SPOCK3: variants seen among roughly 807,000 people sequenced by gnomAD.
SPOCK3 encodes the protein testican-3.
In SPOCK3, 30 loss-of-function variants were observed where a neutral mutation model predicts 56.6. The ratio of observed to expected loss-of-function variants is 0.53; its 90% confidence interval spans 0.40 to 0.72. The LOEUF is 0.72. Among genes scored for constraint, SPOCK3 ranks in the 30% least tolerant of loss-of-function variants. The pLI, the probability that SPOCK3 is intolerant of heterozygous loss-of-function variation, is 0.00. For missense variants in SPOCK3, 527 were observed against 530.0 expected (o/e 0.99, Z 0.06); for synonymous variants, 196 against 183.3 (o/e 1.07, Z -0.56).
intron 4 of SPOCK3, among the ~76,000 whole-genome samples, chr4:166,948,427 G>A (rs543636019): frequency 1.3e-5 from 2 of 152,042 alleles, no homozygotes; most frequent in African/African-American, 4.8e-5. Flanking sequence ...ATTTTTTTGA[G>A]GAATCTCCAC....
At chr4:166,848,885 G>A (rs568815350) in intron 6 of SPOCK3, among the ~76,000 whole-genome samples, 3 of 152,156 alleles carry the variant, frequency 2.0e-5, no homozygotes, top group East Asian at 3.9e-4. Context: ...GGATAATTTT[G>A]TTTACTACTT....
intron 2 of SPOCK3, among the ~76,000 whole-genome samples, chr4:167,154,957 A>G (rs1764696370): frequency 1.3e-5 from 2 of 152,262 alleles, no homozygotes; most frequent in East Asian, 3.9e-4. Context: ...GAAAAACAGT[A>G]TTCAATTATC....
chr4:166,789,286 G>A (rs533510411), intron 7 of SPOCK3, among the ~76,000 whole-genome samples: 1 of 151,762 alleles, frequency 6.6e-6, no homozygotes, highest in African/African-American at 2.4e-5. Context: ...AAAATAACCC[G>A]GGCGTGGTGA....
At chr4:166,952,064 T>A (rs1475601297) in intron 4 of SPOCK3, among the ~76,000 whole-genome samples, 3 of 152,174 alleles carry the variant, frequency 2.0e-5, no homozygotes, top group African/African-American at 4.8e-5. Context: ...TTCAACATAG[T>A]GTTGGAGATT....
chr4:167,062,606 A>T, intron 2 of SPOCK3, 69 bp from the exon 3 acceptor site: 2 of 1,222,758 alleles, frequency 1.6e-6, no homozygotes, highest in Non-Finnish European at 2.4e-6. Flanking sequence ...TATAAAATCT[A>T]AAATTAAATA....
At chr4:167,205,398 A>T (rs1479845814) in intron 2 of SPOCK3, among the ~76,000 whole-genome samples, 4 of 44,168 alleles carry the variant, frequency 9.1e-5, no homozygotes, top group Non-Finnish European at 1.5e-4. Context: ...TATTTTATAT[A>T]TAATATATTA....
intron 4 of SPOCK3, among the ~76,000 whole-genome samples, chr4:166,999,253 C>T (rs1579951247): frequency 6.6e-6 from 1 of 152,266 alleles, no homozygotes; most frequent in East Asian, 1.9e-4. Context: ...TTTGTTATAT[C>T]CAACTCCCTT....
intron 7 of SPOCK3, among the ~76,000 whole-genome samples, chr4:166,782,227 A>G (rs1259191071): frequency 1.3e-5 from 2 of 152,144 alleles, no homozygotes; most frequent in Non-Finnish European, 2.9e-5. Flanking sequence ...TTGTTTTTGT[A>G]CCCATTAACC....
intron 6 of SPOCK3, among the ~76,000 whole-genome samples, chr4:166,882,247 G>C (rs1733755306): frequency 6.6e-6 from 1 of 151,138 alleles, no homozygotes; most frequent in African/African-American, 2.4e-5. Context: ...AATTTTATGT[G>C]CTTTTTCAAG....
At chr4:167,034,136 T>C (rs1013137632) in intron 3 of SPOCK3, among the ~76,000 whole-genome samples, 3 of 152,064 alleles carry the variant, frequency 2.0e-5, no homozygotes, top group African/African-American at 7.2e-5. Context: ...ATCAAAACCC[T>C]CAGAATTCTT....
At chr4:166,993,767 G>A (rs1378400639) in intron 4 of SPOCK3, among the ~76,000 whole-genome samples, 1 of 152,138 alleles carries the variant, frequency 6.6e-6, no homozygotes, top group African/African-American at 2.4e-5. Flanking sequence ...AACGTGCTAT[G>A]GGCACAAAGA....
chr4:166,962,230 A>G (rs1579817089), intron 4 of SPOCK3, among the ~76,000 whole-genome samples: 1 of 152,226 alleles, frequency 6.6e-6, no homozygotes, highest in African/African-American at 2.4e-5. Flanking sequence ...TAAGATATTC[A>G]CAAGTTTGGT....
intron 2 of SPOCK3, among the ~76,000 whole-genome samples, chr4:167,175,128 T>G (rs1419631460): frequency 1.3e-5 from 2 of 152,090 alleles, no homozygotes; most frequent in African/African-American, 4.8e-5. Flanking sequence ...AAAACATGAG[T>G]GACTTATAGA....
At chr4:167,211,101 G>A (rs1404257433) in intron 2 of SPOCK3, among the ~76,000 whole-genome samples, 2 of 152,136 alleles carry the variant, frequency 1.3e-5, no homozygotes, top group Non-Finnish European at 2.9e-5. Flanking sequence ...GCATGACCTG[G>A]ATGTGAGACA....
chr4:167,075,053 T>C (rs566503046), intron 2 of SPOCK3, among the ~76,000 whole-genome samples: 1 of 151,932 alleles, frequency 6.6e-6, no homozygotes. Flanking sequence ...TACTGTTAAC[T>C]AAAGTCGCCC....
chr4:167,137,816 A>T (rs1763242504), intron 2 of SPOCK3, among the ~76,000 whole-genome samples: 1 of 151,878 alleles, frequency 6.6e-6, no homozygotes, highest in South Asian at 2.1e-4. Context: ...ATTTTAAAAT[A>T]TGCCTAAATT....
intron 2 of SPOCK3, among the ~76,000 whole-genome samples, chr4:167,205,530 T>TATAA (rs1343035754): frequency 2.3e-4 from 14 of 60,198 alleles, no homozygotes; most frequent in African/African-American, 8.4e-4. Context: ...ATATATATTA[T>TATAA]TATATAATAT....
intron 2 of SPOCK3, among the ~76,000 whole-genome samples, chr4:167,065,260 C>T (rs562082361): frequency 5.9e-5 from 9 of 151,686 alleles, no homozygotes; most frequent in Non-Finnish European, 1.2e-4. Flanking sequence ...AGGTGGAAAC[C>T]GTGTAGAACT....
At chr4:167,136,086 C>G in intron 2 of SPOCK3, among the ~76,000 whole-genome samples, 1 of 151,950 alleles carries the variant, frequency 6.6e-6, no homozygotes, top group South Asian at 2.1e-4. Context: ...AACTCCAAGA[C>G]AAGCAGTGCC....
Sources: allele counts gnomAD v4.1 joint callset (sites outside exome capture counted in the v4.1 genomes callset), GRCh38; gene constraint gnomAD v4.1.1; transcripts MANE v1.5; gene names NCBI Gene and HGNC (gene_info 2026-07-23, HGNC 2026-07-21).